Variants in MAN1A1 observed in about 807,000 individuals in gnomAD.
The protein encoded by MAN1A1 is mannosyl-oligosaccharide 1,2-alpha-mannosidase IA.
Under a neutral mutation model 70.8 loss-of-function variants are expected in MAN1A1, and 29 were observed. The ratio of observed to expected loss-of-function variants is 0.41; its 90% CI spans 0.31 to 0.56. The LOEUF (loss-of-function observed/expected upper bound fraction) is 0.56. Among genes scored for constraint, MAN1A1 ranks in the 20% least tolerant of loss-of-function variants. MAN1A1 has a pLI of 0.29. For synonymous variants in MAN1A1, 349 were observed against 330.1 expected, an observed-to-expected ratio of 1.06 and a Z score of -0.62; for missense variants, 747 against 841.3, an observed-to-expected ratio of 0.89 and a Z score of 1.39.
At position 119,306,990 on chromosome 6, in the gene MAN1A1, C is replaced by G; in HGVS notation, c.606G>C (p.Met202Ile). The part of the protein sequence containing the change: ...IREKRAKIKE[M>I]MKHAWNNYKG... ...TATAATTATTCCAAGCATGTTTCAT[C>G]ATCTGAAAAAAAAAATAAAAACAGG... The change falls in exon 3 of 13, where the codon ATG becomes ATC. Residue 202 changes from methionine (M) to isoleucine (I), a missense_variant and splice_region_variant. Transcript: ENST00000368468. The G allele has an allele frequency of 6.5e-7, 1 of 1,542,610 alleles. No homozygotes were observed. The highest frequency in any genetic ancestry group is 8.9e-7 in the Non-Finnish European group (1 of 1,122,520).
intron 6 of MAN1A1, among the ~76,000 whole-genome samples, chr6:119,218,618 G>C (rs1039114235): frequency 8.6e-5 from 13 of 151,620 alleles, no homozygotes; most frequent in African/African-American, 3.1e-4. Context: ...TACTGAGTTT[G>C]CATGTTGTCT....
chr6:119,258,544 A>G (rs1233842962), intron 5 of MAN1A1, among the ~76,000 whole-genome samples: 1 of 152,144 alleles, frequency 6.6e-6, no homozygotes, highest in Non-Finnish European at 1.5e-5. Flanking sequence ...ACCATTTTAT[A>G]TAAGGTACTT....
intron 5 of MAN1A1, 86 bp from the exon 6 acceptor site, chr6:119,248,440 T>C (rs1775226326): frequency 1.4e-6 from 1 of 707,454 alleles, no homozygotes; most frequent in Non-Finnish European, 2.5e-6. Context: ...ACCACTTTTC[T>C]ACTTTAATAT....
chr6:119,239,217 C>T (rs1323668726), intron 6 of MAN1A1, among the ~76,000 whole-genome samples: 1 of 152,154 alleles, frequency 6.6e-6, no homozygotes, highest in Non-Finnish European at 1.5e-5. Flanking sequence ...TAAAGGAATC[C>T]TAACAATTCT....
chr6:119,235,671 A>T (rs556017624), intron 6 of MAN1A1, among the ~76,000 whole-genome samples: 1 of 152,222 alleles, frequency 6.6e-6, no homozygotes, highest in South Asian at 2.1e-4. Context: ...CACATTTTCA[A>T]TGTAGATGAA....
At chr6:119,294,284 T>G (rs1348960040) in intron 4 of MAN1A1, among the ~76,000 whole-genome samples, 1 of 152,086 alleles carries the variant, frequency 6.6e-6, no homozygotes, top group East Asian at 1.9e-4. Context: ...TAATTTCCAT[T>G]AAATAATAAA....
At chr6:119,254,134 T>C (rs1030379701) in intron 5 of MAN1A1, among the ~76,000 whole-genome samples, 1 of 152,202 alleles carries the variant, frequency 6.6e-6, no homozygotes, top group Admixed American at 6.5e-5. Flanking sequence ...AGGAGGCATA[T>C]CACAAATCAT....
At chr6:119,220,909 C>G (rs1177569253) in intron 6 of MAN1A1, among the ~76,000 whole-genome samples, 1 of 151,718 alleles carries the variant, frequency 6.6e-6, no homozygotes, top group Non-Finnish European at 1.5e-5. Flanking sequence ...TTAAAAAAAC[C>G]CAATATGTAC....
intron 11 of MAN1A1, among the ~76,000 whole-genome samples, chr6:119,185,452 G>T (rs888463450): frequency 6.6e-6 from 1 of 152,166 alleles, no homozygotes; most frequent in Non-Finnish European, 1.5e-5. Flanking sequence ...TTAGAAGATA[G>T]GAAGACGGCT....
rs948294369 is a variant in MAN1A1, at chr6:119,179,616, C to T, written c.*203G>A. On this transcript the variant is annotated 3_prime_UTR_variant, in exon 13 of 13. Transcript: ENST00000368468. ...AACATAAACAAAAAACTGGTGGATA[C>T]ACTGGCTGAATTAATAAAGGATATG... 21 of 359,504 alleles carry T rather than the reference C, an allele frequency of 5.8e-5. No individual in the cohort carries two copies. Among genetic ancestry groups the T allele is most frequent in the Non-Finnish European group, 9.8e-5 (19 of 194,288 alleles). The allele number at this position is 359,504 out of a possible 1,614,324, so 22.3% of individuals were successfully genotyped here. A position where few individuals can be genotyped will look rare whatever the true frequency, so the allele number is the denominator to read the frequency against.
Position 119,302,000 on chromosome 6 carries a change from T to G in MAN1A1, c.804A>C (p.Leu268Phe). The G allele has an allele frequency of 6.4e-7, 1 of 1,558,906 alleles. No individual in the cohort carries two copies. The change falls in exon 4 of 13, where the codon TTA (leucine) becomes TTC (phenylalanine). Residue 268 changes from leucine (L) to phenylalanine (F), a missense_variant. By Grantham distance (22) the Leu-to-Phe change is conservative. This residue lies in a region of MAN1A1 where 419 missense variants were observed against 548.2 expected (regional missense o/e 0.76). Coordinates refer to ENST00000368468, the MANE Select transcript of MAN1A1 (RefSeq NM_005907.4). ...TTATTTAACTTACCACATTAAAATC[T>G]AAATTTTCTTCAACCCATGATTTTG... ...EEAKSWVEEN[L>F]DFNVNAEISV...
At chr6:119,323,287 C>T (rs548482992) in intron 2 of MAN1A1, among the ~76,000 whole-genome samples, 1 of 152,270 alleles carries the variant, frequency 6.6e-6, no homozygotes, top group East Asian at 1.9e-4. Flanking sequence ...AGTTGTAATA[C>T]AATGACCCAA....
At chr6:119,327,124 C>G (rs1773166688) in intron 2 of MAN1A1, among the ~76,000 whole-genome samples, 1 of 152,062 alleles carries the variant, frequency 6.6e-6, no homozygotes, top group African/African-American at 2.4e-5. Flanking sequence ...TAAAGAGCAA[C>G]CTGGATTATC....
chr6:119,317,955 C>T (rs570684653), intron 2 of MAN1A1, among the ~76,000 whole-genome samples: 4 of 151,862 alleles, frequency 2.6e-5, no homozygotes, highest in South Asian at 2.1e-4. Flanking sequence ...GTGGAATATC[C>T]GTTGTCATCT....
intron 6 of MAN1A1, among the ~76,000 whole-genome samples, chr6:119,241,380 A>G (rs888304406): frequency 1.3e-5 from 2 of 152,170 alleles, no homozygotes; most frequent in African/African-American, 4.8e-5. Flanking sequence ...ATTTAACTAC[A>G]TGGCTCTGAT....
At chr6:119,258,777 T>C (rs1326893815) in intron 5 of MAN1A1, among the ~76,000 whole-genome samples, 1 of 152,184 alleles carries the variant, frequency 6.6e-6, no homozygotes, top group Non-Finnish European at 1.5e-5. Flanking sequence ...CTTTTTTTTA[T>C]GATTCGGTGA....
intron 2 of MAN1A1, among the ~76,000 whole-genome samples, chr6:119,337,532 A>G (rs921923207): frequency 3.3e-5 from 5 of 152,214 alleles, no homozygotes; most frequent in African/African-American, 9.7e-5. Context: ...CCTGCCCTCA[A>G]TATGATAGTT....
intron 2 of MAN1A1, among the ~76,000 whole-genome samples, chr6:119,308,719 G>C (rs987246752): frequency 1.3e-5 from 2 of 151,968 alleles, no homozygotes; most frequent in Non-Finnish European, 2.9e-5. Context: ...AAAATCTACA[G>C]AACACCTAGA....
At chr6:119,290,821 G>T in intron 4 of MAN1A1, 58 bp from the exon 5 acceptor site, 1 of 1,128,576 alleles carries the variant, frequency 8.9e-7, no homozygotes, top group Non-Finnish European at 1.3e-6. Flanking sequence ...AACCATTATT[G>T]TGATAAATTA....
Sources: allele counts gnomAD v4.1 joint callset (sites outside exome capture counted in the v4.1 genomes callset), GRCh38; gene constraint gnomAD v4.1.1; regional missense constraint gnomAD v4.1.1; transcripts MANE v1.5; gene names NCBI Gene and HGNC (gene_info 2026-07-23, HGNC 2026-07-21).